Variants in GFRA2 observed in about 807,000 individuals in gnomAD.
GFRA2 encodes GDNF family receptor alpha-2.
In GFRA2, 17 loss-of-function variants were observed where a neutral mutation model predicts 48.3. That is an observed-to-expected ratio of 0.35 (90% CI 0.24 to 0.53). The LOEUF is 0.53. Ranked by LOEUF, GFRA2 falls within the 20% of genes least tolerant of loss-of-function variation. The probability of loss-of-function intolerance (pLI) is 0.93; values close to 1 mark genes in which losing one functional copy is unlikely to be tolerated. For missense variants in GFRA2, 660 were observed against 637.3 expected (o/e 1.04, Z -0.38); for synonymous variants, 305 against 257.2 (o/e 1.19, Z -1.78).
chr8:21,752,342 C>T (rs1805334605), intron 3 of GFRA2, among the ~76,000 whole-genome samples: 1 of 152,126 alleles, frequency 6.6e-6, no homozygotes, highest in South Asian at 2.1e-4. Context: ...TTGGCCCCAC[C>T]TGTCTGATGG....
intron 4 of GFRA2, among the ~76,000 whole-genome samples, chr8:21,729,123 G>C: frequency 6.6e-6 from 1 of 152,266 alleles, no homozygotes; most frequent in South Asian, 2.1e-4. Flanking sequence ...CCTTTACTTA[G>C]CAGTCATAAA....
rs143616197 is a variant in GFRA2, at chr8:21,746,966, T to C, written c.794+3622A>G. ...CATTATCCACCCTTCCTTAAAGCAA[T>C]ACTAATAAAATGGGTGCCCTGTCCC... On this transcript the variant is annotated intron_variant, in intron 4 of 8. Coordinates refer to ENST00000524240, the MANE Select transcript of GFRA2 (RefSeq NM_001495.5). 2.6e-5 allele frequency among the ~76,000 whole-genome samples: 4 copies of C among 152,134 alleles called. No individual in the cohort carries two copies. The East Asian group carries it at 7.7e-4, about 29-fold the overall frequency.
chr8:21,707,139 C>A (rs1407122113), intron 4 of GFRA2, among the ~76,000 whole-genome samples: 1 of 152,222 alleles, frequency 6.6e-6, no homozygotes, highest in Non-Finnish European at 1.5e-5. Flanking sequence ...ATGATGGGAA[C>A]TCAGTAGGAC....
At chr8:21,712,814 G>A (rs901344692) in intron 4 of GFRA2, among the ~76,000 whole-genome samples, 7 of 151,898 alleles carry the variant, frequency 4.6e-5, no homozygotes, top group African/African-American at 7.2e-5. Flanking sequence ...AGACCAGCCC[G>A]GCCAACACAG....
At chr8:21,736,149 C>A (rs1285002755) in intron 4 of GFRA2, among the ~76,000 whole-genome samples, 1 of 152,224 alleles carries the variant, frequency 6.6e-6, no homozygotes, top group East Asian at 1.9e-4. Context: ...CTGTTCCCTA[C>A]CATCTGGCAG....
intron 4 of GFRA2, among the ~76,000 whole-genome samples, chr8:21,748,879 G>A (rs1805137058): frequency 6.6e-6 from 1 of 152,038 alleles, no homozygotes; most frequent in African/African-American, 2.4e-5. Flanking sequence ...GCTCCCCAGA[G>A]CCCAGGCCCT....
chr8:21,737,392 G>C (rs1804521826), intron 4 of GFRA2, among the ~76,000 whole-genome samples: 2 of 151,768 alleles, frequency 1.3e-5, no homozygotes, highest in South Asian at 2.1e-4. Flanking sequence ...GGTGGTGTGA[G>C]GATTTAGTGT....
At chr8:21,786,440 T>G (rs1198092643) in intron 1 of GFRA2, among the ~76,000 whole-genome samples, 2 of 152,212 alleles carry the variant, frequency 1.3e-5, no homozygotes, top group Non-Finnish European at 2.9e-5. Flanking sequence ...TTTTTTCACC[T>G]TGGCCCTGAT....
At chr8:21,706,156 C>T in intron 4 of GFRA2, 115 bp from the exon 5 acceptor site, 1 of 686,566 alleles carries the variant, frequency 1.5e-6, no homozygotes, top group Non-Finnish European at 2.5e-6. Context: ...GTGGAAGAAG[C>T]CAGGAAGAGG....
chr8:21,721,457 G>T (rs1803590165), intron 4 of GFRA2, among the ~76,000 whole-genome samples: 1 of 152,320 alleles, frequency 6.6e-6, no homozygotes, highest in African/African-American at 2.4e-5. Flanking sequence ...GTGGAGGAAG[G>T]CTGGGTAGAG....
Position 21,782,829 on chromosome 8 carries a change from TG to T in GFRA2, c.110del (p.Pro37GlnfsTer63). ...GCTCATTGGCCCGGACACAGTCCAC[TG>T]GGGGGCGCCAGCCGTGGAGCTCGGG... ...QGPELHGWRP[P>X]VDCVRANELC... On this transcript the variant is annotated frameshift_variant, in exon 2 of 9. Coordinates refer to ENST00000524240, the MANE Select transcript of GFRA2 (RefSeq NM_001495.5). LOFTEE classifies it high-confidence loss of function. 6.4e-7 allele frequency: 1 copy of T among 1,571,854 alleles called. No homozygotes were observed. Among genetic ancestry groups the T allele is most frequent in the South Asian group, 1.2e-5 (1 of 86,540 alleles).
chr8:21,739,197 C>A (rs1804631009), intron 4 of GFRA2, among the ~76,000 whole-genome samples: 1 of 152,124 alleles, frequency 6.6e-6, no homozygotes, highest in Non-Finnish European at 1.5e-5. Flanking sequence ...ATATGAAGAG[C>A]AAATAGCTCA....
intron 4 of GFRA2, among the ~76,000 whole-genome samples, chr8:21,738,675 C>G (rs996685370): frequency 7.2e-5 from 11 of 152,274 alleles, no homozygotes; most frequent in African/African-American, 2.6e-4. Context: ...CTGCAAGGAA[C>G]AGAGAGAAGG....
At chr8:21,727,351 G>C (rs904143014) in intron 4 of GFRA2, among the ~76,000 whole-genome samples, 44 of 152,250 alleles carry the variant, frequency 2.9e-4, no homozygotes, top group Middle Eastern at 3.4e-3. Flanking sequence ...GCCTCTGCTA[G>C]GGGCTCCTCT....
At chr8:21,776,037 G>GTGTGTGTGTGTGTGTGTGTGTGTGTA (rs549952048) in intron 2 of GFRA2, among the ~76,000 whole-genome samples, 4 of 139,790 alleles carry the variant, frequency 2.9e-5, no homozygotes, top group African/African-American at 5.4e-5. Context: ...GTGTGTGTGT[G>GTGTGTGTGTGTGTGTGTGTGTGTGTA]TGTAGTGAAA....
chr8:21,746,135 G>C (rs1563243265), intron 4 of GFRA2, among the ~76,000 whole-genome samples: 1 of 152,136 alleles, frequency 6.6e-6, no homozygotes, highest in Non-Finnish European at 1.5e-5. Context: ...CCATGCAGGA[G>C]GCCCCAGGCA....
chr8:21,722,819 G>A (rs1337105953), intron 4 of GFRA2, among the ~76,000 whole-genome samples: 1 of 152,216 alleles, frequency 6.6e-6, no homozygotes, highest in Non-Finnish European at 1.5e-5. Flanking sequence ...TCAGAGGACT[G>A]GGAGCCATGC....
chr8:21,811,513 G>C (rs952660884), intron 1 of GFRA2, among the ~76,000 whole-genome samples: 1 of 152,148 alleles, frequency 6.6e-6, no homozygotes, highest in African/African-American at 2.4e-5. Context: ...GAACCCAAGG[G>C]TCTGGTGCCT....
intron 1 of GFRA2, among the ~76,000 whole-genome samples, chr8:21,785,141 C>T (rs1807205869): frequency 1.3e-5 from 2 of 152,188 alleles, no homozygotes; most frequent in South Asian, 2.1e-4. Context: ...CAGAATTCAC[C>T]GCGTGCTTAA....
Sources: allele counts gnomAD v4.1 joint callset (sites outside exome capture counted in the v4.1 genomes callset), GRCh38; gene constraint gnomAD v4.1.1; transcripts MANE v1.5; gene names NCBI Gene and HGNC (gene_info 2026-07-23, HGNC 2026-07-21).